The following HMGA2 variants were observed in gnomAD, a reference collection of about 807,000 sequenced individuals.
The protein encoded by HMGA2 is high mobility group AT-hook 2.
A neutral mutation model predicts 19.1 loss-of-function variants in HMGA2; 8 were observed. That is an observed-to-expected ratio of 0.42 (90% CI 0.25 to 0.76). HMGA2 has a LOEUF of 0.76. Ranked by LOEUF, HMGA2 falls within the 30% of genes least tolerant of loss-of-function variation. HMGA2 has a pLI of 0.28. For missense variants in HMGA2, 109 were observed against 136.3 expected (o/e 0.80, Z 1.00); for synonymous variants, 60 against 48.8 (o/e 1.23, Z -0.96).
chr12:65,943,461 A>G (rs1230256122), intron 3 of HMGA2, among the ~76,000 whole-genome samples: 2 of 152,206 alleles, frequency 1.3e-5, no homozygotes, highest in Non-Finnish European at 2.9e-5. Flanking sequence ...AACACTAACT[A>G]GAGCAGCTTG....
At chr12:65,963,054 G>A (rs1876797349) in intron 4 of HMGA2, among the ~76,000 whole-genome samples, 191 bp from the exon 5 acceptor site, 1 of 152,074 alleles carries the variant, frequency 6.6e-6, no homozygotes, top group Admixed American at 6.5e-5. Context: ...ACCGCTCTGG[G>A]AAAAAACAAC....
At chr12:65,885,390 C>A (rs1005836495) in intron 3 of HMGA2, among the ~76,000 whole-genome samples, 4 of 152,146 alleles carry the variant, frequency 2.6e-5, no homozygotes, top group Non-Finnish European at 4.4e-5. Flanking sequence ...CCAGAAGACA[C>A]TCGTCTTCCT....
chr12:65,872,655 T>C (rs370539700), intron 3 of HMGA2, among the ~76,000 whole-genome samples: 13 of 152,320 alleles, frequency 8.5e-5, no homozygotes, highest in African/African-American at 3.1e-4. Flanking sequence ...ACTGCCACAT[T>C]CTTTGTACAA....
chr12:65,856,913 C>T (rs1381632093), intron 3 of HMGA2: 2 of 152,224 alleles, frequency 1.3e-5, no homozygotes, highest in Non-Finnish European at 2.9e-5. Flanking sequence ...CTTCATCCTA[C>T]CTTGATTATA....
chr12:65,888,843 G>T (rs1281583576), intron 3 of HMGA2, among the ~76,000 whole-genome samples: 1 of 149,116 alleles, frequency 6.7e-6, no homozygotes, highest in Non-Finnish European at 1.5e-5. Context: ...GATTACAGGT[G>T]TGAGCCACGG....
At chr12:65,845,943 C>A (rs559567779) in intron 3 of HMGA2, among the ~76,000 whole-genome samples, 1 of 152,326 alleles carries the variant, frequency 6.6e-6, no homozygotes, top group East Asian at 1.9e-4. Flanking sequence ...CTCTCCTCCC[C>A]CCTGCTGCCT....
In HMGA2 at chr12:65,824,713, T is replaced by TTCTCTCTCTCTCTCTCTCTCTCTC. The variant is rs60786450; in HGVS notation, c.-525_-502dup. On this transcript the variant is annotated 5_prime_UTR_variant, in exon 1 of 5. Transcript: ENST00000403681. ...CCAAGGCACTTTCAATCTCAATCTC[T>TTCTCTCTCTCTCTCTCTCTCTCTC]TCTCTCTCTCTCTCTCTCTCTCTCT... 1.5e-5 allele frequency: 2 copies of TTCTCTCTCTCTCTCTCTCTCTCTC among 129,124 alleles called. No homozygotes were observed. Among genetic ancestry groups the TTCTCTCTCTCTCTCTCTCTCTCTC allele is most frequent in the African/African-American group, 3.5e-5 (1 of 28,600 alleles). 8.0% of individuals were successfully genotyped at this position (129,124 alleles called of 1,614,324 possible). A position where few individuals can be genotyped will look rare whatever the true frequency, so the allele number is the denominator to read the frequency against.
At chr12:65,892,041 C>T (rs1873932568) in intron 3 of HMGA2, among the ~76,000 whole-genome samples, 1 of 152,196 alleles carries the variant, frequency 6.6e-6, no homozygotes, top group Non-Finnish European at 1.5e-5. Context: ...CTTGTCTTCT[C>T]GCTGGTGAAT....
chr12:65,871,424 C>T (rs765225107), intron 3 of HMGA2, among the ~76,000 whole-genome samples: 1 of 152,006 alleles, frequency 6.6e-6, no homozygotes, highest in Non-Finnish European at 1.5e-5. Context: ...GTCTTTCTGG[C>T]CCTCTTAATC....
At chr12:65,869,547 C>CA (rs1239606690) in intron 3 of HMGA2, among the ~76,000 whole-genome samples, 1 of 152,158 alleles carries the variant, frequency 6.6e-6, no homozygotes, top group Non-Finnish European at 1.5e-5. Context: ...CTCTTTCCCA[C>CA]AAAATGGGCT....
At chr12:65,901,290 TC>T (rs1234789945) in intron 3 of HMGA2, among the ~76,000 whole-genome samples, 1 of 152,234 alleles carries the variant, frequency 6.6e-6, no homozygotes, top group Non-Finnish European at 1.5e-5. Flanking sequence ...AAGGAAATAT[TC>T]TTTGGATATT....
intron 3 of HMGA2, chr12:65,842,621 T>A: frequency 1.3e-6 from 2 of 1,535,562 alleles, no homozygotes; most frequent in Non-Finnish European, 1.7e-6. Flanking sequence ...TTAGAAGCCT[T>A]TCTTCCAATA....
chr12:65,939,329 G>A (rs1876004303), intron 3 of HMGA2, among the ~76,000 whole-genome samples: 1 of 151,858 alleles, frequency 6.6e-6, no homozygotes, highest in Admixed American at 6.6e-5. Context: ...AATATTATAT[G>A]TACACACACA....
chr12:65,828,163 C>T, intron 2 of HMGA2, 76 bp downstream of exon 2: 1 of 1,059,482 alleles, frequency 9.4e-7, no homozygotes, highest in Non-Finnish European at 1.5e-6. Context: ...CTTTCCCATT[C>T]TAACTCCGCA....
chr12:65,914,206 C>T (rs368726216), intron 3 of HMGA2, among the ~76,000 whole-genome samples: 73 of 151,970 alleles, frequency 4.8e-4, no homozygotes, highest in African/African-American at 1.5e-3. Context: ...ATGTTTATTG[C>T]GGCATTATTC....
chr12:65,920,460 T>A (rs1486746873), intron 3 of HMGA2, among the ~76,000 whole-genome samples: 1 of 152,224 alleles, frequency 6.6e-6, no homozygotes, highest in Non-Finnish European at 1.5e-5. Flanking sequence ...GCAATTCTCC[T>A]ATTACCAACT....
In HMGA2 at chr12:65,836,649, T is replaced by C. The variant is rs555285166; in HGVS notation, c.199-1870T>C. 1.2e-4 allele frequency among the ~76,000 whole-genome samples: 19 copies of C among 152,206 alleles called. 1 individual carries two copies. The highest frequency in any genetic ancestry group is 2.6e-4 in the Admixed American group (4 of 15,284). ...CCTCCCTCTCCATGAGGCAATGCTCTGAAGAGGGTATTATTTACTTGACAC... is the reference window on the plus strand; with the variant it reads ...CCTCCCTCTCCATGAGGCAATGCTCCGAAGAGGGTATTATTTACTTGACAC... On this transcript the variant is annotated intron_variant, in intron 2 of 4. Transcript: ENST00000403681.
chr12:65,919,896 C>T (rs577088967), intron 3 of HMGA2, among the ~76,000 whole-genome samples: 2 of 152,330 alleles, frequency 1.3e-5, no homozygotes, highest in Admixed American at 6.5e-5. Context: ...CCTTGGGCCT[C>T]AGGCAACCAG....
intron 4 of HMGA2, chr12:65,957,695 T>C (rs1407519184): frequency 6.6e-6 from 1 of 152,160 alleles, no homozygotes; most frequent in African/African-American, 2.4e-5. Flanking sequence ...GTGCCTACCA[T>C]TTCCAGATTT....
Sources: allele counts gnomAD v4.1 joint callset (sites outside exome capture counted in the v4.1 genomes callset), GRCh38; gene constraint gnomAD v4.1.1; transcripts MANE v1.5; gene names NCBI Gene and HGNC (gene_info 2026-07-23, HGNC 2026-07-21).